The following CRB1 variants were observed in gnomAD, a reference collection of about 807,000 sequenced individuals.
CRB1 encodes protein crumbs homolog 1.
Under a neutral mutation model 120.0 loss-of-function variants are expected in CRB1, and 83 were observed. That is an observed-to-expected ratio of 0.69 (90% CI 0.58 to 0.83). The LOEUF (loss-of-function observed/expected upper bound fraction) is 0.83, where lower values mean the gene tolerates loss of function less well. CRB1 is among the 40% of genes least tolerant of loss of function. The pLI, the probability that CRB1 is intolerant of heterozygous loss-of-function variation, is 0.00. For synonymous variants in CRB1, 625 were observed against 612.5 expected, an observed-to-expected ratio of 1.02 and a Z score of -0.30; for missense variants, 1,699 against 1,687.6, an observed-to-expected ratio of 1.01 and a Z score of -0.12.
the CRB1 span, among the ~76,000 whole-genome samples, chr1:197,203,277 A>G: frequency 6.6e-6 from 1 of 152,182 alleles, no homozygotes; most frequent in African/African-American, 2.4e-5. Flanking sequence ...GAAAACTTCC[A>G]CGGAATTTGA....
the CRB1 span, among the ~76,000 whole-genome samples, chr1:197,226,871 G>T: frequency 6.6e-6 from 1 of 152,274 alleles, no homozygotes; most frequent in East Asian, 1.9e-4. Flanking sequence ...AAGAGAAAAT[G>T]AGGTGATGCA....
At chr1:197,446,727 G>A (rs148798798) in intron 11 of CRB1, among the ~76,000 whole-genome samples, 4 of 152,194 alleles carry the variant, frequency 2.6e-5, no homozygotes, top group Non-Finnish European at 4.4e-5. Flanking sequence ...TATAGTTGTA[G>A]AGAAGATAGA....
chr1:197,473,125 G>T (rs1231154111), intron 11 of CRB1, among the ~76,000 whole-genome samples: 1 of 152,182 alleles, frequency 6.6e-6, no homozygotes, highest in Non-Finnish European at 1.5e-5. Flanking sequence ...CCTTGAATTT[G>T]CTCTTTCATT....
At chr1:197,468,897 G>A (rs1349093822) in intron 11 of CRB1, among the ~76,000 whole-genome samples, 1 of 152,152 alleles carries the variant, frequency 6.6e-6, no homozygotes, top group African/African-American at 2.4e-5. Flanking sequence ...TGAATAAACG[G>A]CATGTTTCAG....
chr1:197,283,153 T>C (rs1190076599), intron 1 of CRB1, among the ~76,000 whole-genome samples: 2 of 151,852 alleles, frequency 1.3e-5, no homozygotes. Context: ...TCAAATCTTA[T>C]GTAATCTACA....
the CRB1 span, among the ~76,000 whole-genome samples, chr1:197,260,263 C>CA: frequency 0.015 from 2,259 of 151,858 alleles, 53 homozygotes; most frequent in African/African-American, 0.047. Context: ...TTTAATTAAA[C>CA]AAAATTTTTT....
chr1:197,371,971 T>G (rs115200700), intron 5 of CRB1, among the ~76,000 whole-genome samples: 93 of 152,210 alleles, frequency 6.1e-4, no homozygotes, highest in African/African-American at 2.2e-3. Context: ...GGGCCCATGA[T>G]GAGTTGCTTC....
intron 5 of CRB1, among the ~76,000 whole-genome samples, chr1:197,396,241 A>G (rs536941885): frequency 6.6e-6 from 1 of 152,140 alleles, no homozygotes; most frequent in Non-Finnish European, 1.5e-5. Context: ...ATTTTTTTAA[A>G]TGAAATAATT....
upstream of CRB1, among the ~76,000 whole-genome samples, chr1:197,264,804 T>C (rs896581746): frequency 6.6e-6 from 1 of 151,298 alleles, no homozygotes; most frequent in African/African-American, 2.4e-5. Context: ...GTTTTTTTTT[T>C]AGTAGAGACA....
At chr1:197,404,381 G>T (rs1484495554) in intron 5 of CRB1, among the ~76,000 whole-genome samples, 2 of 144,284 alleles carry the variant, frequency 1.4e-5, no homozygotes, top group East Asian at 4.1e-4. Flanking sequence ...GGCGGAGCTT[G>T]CAGTGAGCCG....
the CRB1 span, among the ~76,000 whole-genome samples, chr1:197,255,994 T>TATATATATATATATATAC: frequency 1.5e-5 from 2 of 133,890 alleles, no homozygotes; most frequent in African/African-American, 5.8e-5. Flanking sequence ...TATATATATA[T>TATATATATATATATATAC]ATACACTACA....
intron 6 of CRB1, among the ~76,000 whole-genome samples, chr1:197,426,010 C>T (rs1401501900): frequency 6.6e-6 from 1 of 151,432 alleles, no homozygotes; most frequent in Non-Finnish European, 1.5e-5. Context: ...ATCAACTGCC[C>T]ACTAGTCACT....
At chr1:197,305,915 A>C (rs2125262092) in intron 1 of CRB1, among the ~76,000 whole-genome samples, 1 of 151,938 alleles carries the variant, frequency 6.6e-6, no homozygotes, top group East Asian at 1.9e-4. Flanking sequence ...AAAAAAAAAA[A>C]ACAAAAAGCA....
Position 197,354,047 on chromosome 1 carries a change from T to C in CRB1, c.989-2784T>C, listed in dbSNP as rs1029771312. On this transcript the variant is annotated intron_variant, in intron 4 of 11. Coordinates refer to ENST00000367400, the MANE Select transcript of CRB1 (RefSeq NM_201253.3). ...AAAAAAAAAAAAAACACCCCCAAAA[T>C]GTTCAGCTCAATATTAACTGGGGAA... Among the ~76,000 whole-genome samples the C allele has an allele frequency of 4.9e-5, 7 of 142,542 alleles. 1 individual carries two copies. The East Asian group carries it at 8.2e-4, about 17-fold the overall frequency. 93.5% of individuals were successfully genotyped at this position (142,542 alleles called of 152,430 possible).
At chr1:197,221,476 TG>T in the CRB1 span, among the ~76,000 whole-genome samples, 2 of 152,192 alleles carry the variant, frequency 1.3e-5, no homozygotes, top group African/African-American at 2.4e-5. Context: ...AATGGAGAGA[TG>T]TGCTCAGTGT....
intron 11 of CRB1, 124 bp downstream of exon 11, chr1:197,442,416 T>C (rs1665498872): frequency 1.2e-6 from 2 of 1,600,822 alleles, no homozygotes; most frequent in African/African-American, 1.3e-5. Context: ...GGAAGATTAT[T>C]AACATACATT....
chr1:197,259,905 T>C, the CRB1 span, among the ~76,000 whole-genome samples: 2 of 151,772 alleles, frequency 1.3e-5, no homozygotes, highest in Non-Finnish European at 2.9e-5. Context: ...ATCCCAGCAC[T>C]TTGGGAGGCC....
the CRB1 span, chr1:197,222,984 C>A: frequency 6.2e-6 from 5 of 808,690 alleles, no homozygotes. Flanking sequence ...AGTGGGAATG[C>A]AGTGGTAGAG....
Position 197,435,418 on chromosome 1 carries a change from C to T in CRB1, c.3555C>T (p.Pro1185=). 1 of 1,601,550 alleles carries T rather than the reference C, an allele frequency of 6.2e-7. No individual in the cohort carries two copies. Reference sequence around the variant, plus strand: ...ACATCGATGAATGCTTTTCAAACCCCTGTATCCATGGCAACTGCTCTGACA... The same window carrying T: ...ACATCGATGAATGCTTTTCAAACCCTTGTATCCATGGCAACTGCTCTGACA... The part of the protein sequence containing the change: ...ELNIDECFSN[P]CIHGNCSDRV... The change falls in exon 9 of 12, where the codon CCC becomes CCT. Residue 1185 remains proline (P), a synonymous_variant. Transcript: ENST00000367400.
Sources: allele counts gnomAD v4.1 joint callset (sites outside exome capture counted in the v4.1 genomes callset), GRCh38; gene constraint gnomAD v4.1.1; transcripts MANE v1.5; gene names NCBI Gene and HGNC (gene_info 2026-07-23, HGNC 2026-07-21).